Variants in NTAQ1 observed in about 807,000 individuals in gnomAD.
NTAQ1 encodes N-terminal glutamine amidase 1, also known as protein N-terminal glutamine amidohydrolase.
NTAQ1 carries 21 observed loss-of-function variants against 28.2 expected under a neutral mutation model. The ratio of observed to expected loss-of-function variants is 0.74; its 90% CI spans 0.53 to 1.07. NTAQ1 has a LOEUF of 1.07. NTAQ1 is among the 50% of genes least tolerant of loss of function. The pLI is 0.00. For missense variants in NTAQ1, 264 were observed against 256.6 expected, an observed-to-expected ratio of 1.03 and a Z score of -0.20; for synonymous variants, 105 against 90.0, an observed-to-expected ratio of 1.17 and a Z score of -0.94.
intron 1 of NTAQ1, among the ~76,000 whole-genome samples, chr8:123,421,657 C>T (rs1261272364): frequency 6.6e-6 from 1 of 151,252 alleles, no homozygotes; most frequent in Non-Finnish European, 1.5e-5. Flanking sequence ...TACAGGTGTG[C>T]ACCACCATGC....
rs1307860416 is a variant in NTAQ1, at chr8:123,461,484, T to C, written c.373-5595T>C. On this transcript the variant is annotated intron_variant, in intron 6 of 6. Coordinates refer to the NTAQ1 transcript ENST00000650311. ...CTACACCCCGAGAGGTTATTTCACT[T>C]GCTCAAGCTCACATATCCAGTATGT... 1.3e-5 allele frequency among the ~76,000 whole-genome samples: 2 copies of C among 152,222 alleles called. 1 individual carries two copies. The highest frequency in any genetic ancestry group is 4.1e-4 in the South Asian group (2 of 4,830).
downstream of NTAQ1, among the ~76,000 whole-genome samples, chr8:123,444,902 A>C (rs1815213745): frequency 6.6e-6 from 1 of 152,206 alleles, no homozygotes; most frequent in Non-Finnish European, 1.5e-5. Flanking sequence ...AAATATGAAA[A>C]TATAAAATGG....
At chr8:123,433,228 C>A (rs894664768) in intron 3 of NTAQ1, among the ~76,000 whole-genome samples, 1 of 152,206 alleles carries the variant, frequency 6.6e-6, no homozygotes, top group African/African-American at 2.4e-5. Flanking sequence ...TTTTCCTTTG[C>A]AGTCCCTCAG....
intron 6 of NTAQ1, among the ~76,000 whole-genome samples, chr8:123,464,024 C>T (rs2130433868): frequency 6.6e-6 from 1 of 152,302 alleles, no homozygotes; most frequent in Admixed American, 6.5e-5. Context: ...TTGCCTGCCG[C>T]CATGTTAAGA....
chr8:123,434,101 G>A (rs1350918838), intron 3 of NTAQ1, among the ~76,000 whole-genome samples: 4 of 151,928 alleles, frequency 2.6e-5, no homozygotes, highest in African/African-American at 9.7e-5. Context: ...CGAGGGGAGG[G>A]GCTGAGATTG....
chr8:123,472,370 CA>C (rs1816050520), downstream of NTAQ1, among the ~76,000 whole-genome samples: 1 of 152,174 alleles, frequency 6.6e-6, no homozygotes. Flanking sequence ...CAAATTACCA[CA>C]AACTTGATGA....
At chr8:123,469,442 A>G (rs894829672) in exon 7 of NTAQ1, among the ~76,000 whole-genome samples, 4 of 152,170 alleles carry the variant, frequency 2.6e-5, no homozygotes, top group Non-Finnish European at 5.9e-5. Context: ...AAATTTACCT[A>G]CACCATGGAA....
chr8:123,468,167 G>T (rs140538011), exon 7 of NTAQ1, among the ~76,000 whole-genome samples: 359 of 152,268 alleles, frequency 2.4e-3, no homozygotes, highest in Non-Finnish European at 3.9e-3. Context: ...GTGGGGTAGG[G>T]AATAAGCTTC....
At chr8:123,474,053 G>A (rs1816067794), downstream of NTAQ1, among the ~76,000 whole-genome samples, 1 of 152,128 alleles carries the variant, frequency 6.6e-6, no homozygotes, top group South Asian at 2.1e-4. Context: ...TACAAAAATA[G>A]TACAGACAAT....
chr8:123,473,060 A>G (rs1037757050), downstream of NTAQ1, among the ~76,000 whole-genome samples: 6 of 152,014 alleles, frequency 3.9e-5, no homozygotes, highest in Non-Finnish European at 8.8e-5. Flanking sequence ...AGGTCTCTCA[A>G]TCTCCTTGAG....
chr8:123,432,770 C>G (rs772375018), intron 3 of NTAQ1, among the ~76,000 whole-genome samples: 21 of 149,946 alleles, frequency 1.4e-4, no homozygotes, highest in Non-Finnish European at 2.8e-4. Context: ...AACTCTGACC[C>G]CCAAGGTTTA....
chr8:123,465,293 C>T (rs565208688), intron 6 of NTAQ1, among the ~76,000 whole-genome samples: 2 of 152,254 alleles, frequency 1.3e-5, no homozygotes, highest in African/African-American at 2.4e-5. Flanking sequence ...TTTTGACATG[C>T]TCTTGTGTGT....
At position 123,441,535 on chromosome 8, in the gene NTAQ1, T is replaced by C. The variant is rs1815070526; in HGVS notation, c.*120T>C. The C allele has an allele frequency of 5.0e-6, 4 of 797,308 alleles. No individual in the cohort carries two copies. Among genetic ancestry groups the C allele is most frequent in the Non-Finnish European group, 8.2e-6 (4 of 490,476 alleles). The allele number at this position is 797,308 out of a possible 1,614,324, so 49.4% of individuals were successfully genotyped here. A position where few individuals can be genotyped will look rare whatever the true frequency, so the allele number is the denominator to read the frequency against. The stretch of plus-strand genomic sequence containing the variant: ...TGGAATTATGTCTTTCTCTTTTAAT[T>C]TGATTGAGTGGAAATCTGAGTGAAT... On this transcript the variant is annotated 3_prime_UTR_variant, in exon 6 of 6. Coordinates refer to ENST00000287387, the MANE Select transcript of NTAQ1 (RefSeq NM_018024.3).
At position 123,432,723 on chromosome 8, in the gene NTAQ1, A is replaced by T. The variant is rs574383082; in HGVS notation, c.234+2690A>T. 1.1e-3 allele frequency among the ~76,000 whole-genome samples: 159 copies of T among 146,102 alleles called. 1 individual carries two copies. The highest frequency in any genetic ancestry group is 2.2e-3 in the Non-Finnish European group (145 of 67,068). On this transcript the variant is annotated intron_variant, in intron 3 of 5. Coordinates refer to ENST00000287387, the MANE Select transcript of NTAQ1 (RefSeq NM_018024.3). ...GAGATGGAGTCTCACTCTGTCGCCT[A>T]GGCTGGAGTGCAGTGGTGTGATCTC...
chr8:123,437,434 A>G, intron 5 of NTAQ1, 100 bp downstream of exon 5: 1 of 1,506,554 alleles, frequency 6.6e-7, no homozygotes, highest in Non-Finnish European at 8.9e-7. Context: ...TCTTTGAATA[A>G]AACTCCATGA....
chr8:123,458,971 C>T (rs557321884), intron 6 of NTAQ1, among the ~76,000 whole-genome samples: 5 of 151,840 alleles, frequency 3.3e-5, no homozygotes, highest in Admixed American at 2.0e-4. Context: ...CCAGTTACTC[C>T]GGAGGCTGAG....
At chr8:123,456,606 G>A (rs1158054936) in intron 6 of NTAQ1, among the ~76,000 whole-genome samples, 1 of 152,186 alleles carries the variant, frequency 6.6e-6, no homozygotes, top group Non-Finnish European at 1.5e-5. Flanking sequence ...GGCACCGTCA[G>A]GAGTTGTTTT....
intron 4 of NTAQ1, 43 bp from the exon 5 acceptor site, chr8:123,437,167 C>T: frequency 6.2e-7 from 1 of 1,600,448 alleles, no homozygotes; most frequent in East Asian, 2.2e-5. Flanking sequence ...GAATTTCAAA[C>T]ATGACATCTC....
intron 1 of NTAQ1, among the ~76,000 whole-genome samples, chr8:123,417,627 C>T (rs1011156608): frequency 4.6e-5 from 7 of 152,220 alleles, no homozygotes; most frequent in Non-Finnish European, 1.0e-4. Context: ...CCTACTCTTT[C>T]CTGAGTAATG....
Sources: gnomAD v4.1 joint callset for allele counts (sites outside exome capture counted in the v4.1 genomes callset) on GRCh38, gnomAD v4.1.1 for gene constraint, MANE v1.5 for transcripts, NCBI Gene and HGNC (gene_info 2026-07-23, HGNC 2026-07-21) for gene names.